The following PHACTR2 variants were observed in gnomAD, a reference collection of about 807,000 sequenced individuals.
PHACTR2 encodes the protein phosphatase and actin regulator 2.
In PHACTR2, 30 loss-of-function variants were observed where a neutral mutation model predicts 76.0. The observed-to-expected ratio is 0.39, with a 90% confidence interval of 0.30 to 0.54. The LOEUF (loss-of-function observed/expected upper bound fraction) is 0.54. PHACTR2 is among the 20% of genes least tolerant of loss of function. The probability of loss-of-function intolerance (pLI) is 0.61; values close to 1 mark genes in which losing one functional copy is unlikely to be tolerated. For missense variants in PHACTR2, 696 were observed against 781.1 expected (o/e 0.89, Z 1.30); for synonymous variants, 292 against 292.5 (o/e 1.00, Z 0.02).
rs187711582 is a variant in PHACTR2, at chr6:143,652,086, G to A, written c.13+43764G>A. Among the ~76,000 whole-genome samples, 270 of 149,316 alleles carry A rather than the reference G, an allele frequency of 1.8e-3. 2 individuals carry two copies. The highest frequency in any genetic ancestry group is 6.2e-3 in the African/African-American group (252 of 40,968). ...TTAAGCAAAAAAAAAAAAAAAGGCCGGTAAACACTGGTGATTCTGCTTTAT... is the reference window on the plus strand; with the variant it reads ...TTAAGCAAAAAAAAAAAAAAAGGCCAGTAAACACTGGTGATTCTGCTTTAT... On this transcript the variant is annotated intron_variant, in intron 1 of 11. Coordinates refer to the PHACTR2 transcript ENST00000305766. The surrounding 1 kb of genome is among the most constrained non-coding windows in gnomAD (Gnocchi z 4.5).
intron 1 of PHACTR2, among the ~76,000 whole-genome samples, chr6:143,630,684 T>C (rs1195167847): frequency 1.3e-5 from 2 of 152,198 alleles, no homozygotes; most frequent in Non-Finnish European, 2.9e-5. Flanking sequence ...TAATTGAAAC[T>C]GAACAGAGCA....
rs1421420310 is a variant in PHACTR2 at position 143,771,198 on chromosome 6, A to G, written c.1233-1060A>G. Among the ~76,000 whole-genome samples, 24 of 45,512 alleles carry G rather than the reference A, an allele frequency of 5.3e-4. 1 individual carries two copies. The highest frequency in any genetic ancestry group is 3.0e-3 in the East Asian group (2 of 674). 29.9% of individuals were successfully genotyped at this position (45,512 alleles called of 152,430 possible). A position where few individuals can be genotyped will look rare whatever the true frequency, so the allele number is the denominator to read the frequency against. On this transcript the variant is annotated intron_variant, in intron 6 of 12. Coordinates refer to ENST00000440869, the MANE Select transcript of PHACTR2 (RefSeq NM_001100164.2). ...TGTATATATATATATATGTGTGTAT[A>G]TATATATATATATATATATATATAT...
rs1022928545 is a variant in PHACTR2, at chr6:143,722,226, G to A, written c.214+10043G>A. Among the ~76,000 whole-genome samples the A allele has an allele frequency of 1.3e-5, 2 of 151,942 alleles. No individual in the cohort carries two copies. Among genetic ancestry groups the A allele is most frequent in the Middle Eastern group, 3.2e-3 (1 of 316 alleles). On this transcript the variant is annotated intron_variant, in intron 2 of 12. Transcript: ENST00000440869. This position sits in a 1 kb window ranked among gnomAD's most constrained non-coding sequence, Gnocchi z 4.1. ...ATTTTTTTATAACAATATATTTTCT[G>A]TTCTTTCTCTGTACCCTCATGTGGA...
Position 143,687,481 on chromosome 6 carries a change from GC to G in PHACTR2, c.46+9273del, listed in dbSNP as rs552699064. Among the ~76,000 whole-genome samples the G allele has an allele frequency of 1.6e-3, 246 of 152,270 alleles. 1 individual carries two copies. The highest frequency in any genetic ancestry group is 2.4e-3 in the Non-Finnish European group (161 of 68,020). On this transcript the variant is annotated intron_variant, in intron 1 of 12. Coordinates refer to ENST00000440869, the MANE Select transcript of PHACTR2 (RefSeq NM_001100164.2). Reference sequence around the variant, plus strand: ...AATATTTAGTGAAGACTCAACTGATGCAAAAGTGATATTAAGGATAGAAATA... The same window carrying G: ...AATATTTAGTGAAGACTCAACTGATGAAAAGTGATATTAAGGATAGAAATA...
chr6:143,771,497 C>T (rs955294789), intron 6 of PHACTR2, among the ~76,000 whole-genome samples: 7 of 151,476 alleles, frequency 4.6e-5, no homozygotes, highest in East Asian at 1.9e-4. Context: ...AGTGCAATGG[C>T]GCGATCTTGG....
chr6:143,802,639 C>T (rs1043540701), intron 11 of PHACTR2, among the ~76,000 whole-genome samples: 5 of 50,794 alleles, frequency 9.8e-5, no homozygotes, highest in Admixed American at 2.2e-4. Context: ...CAGAACAAGA[C>T]CCTGTCTCAA....
intron 6 of PHACTR2, among the ~76,000 whole-genome samples, chr6:143,768,116 G>T (rs770373239): frequency 3.0e-4 from 46 of 152,288 alleles, no homozygotes; most frequent in Non-Finnish European, 4.6e-4. Context: ...GACTACAGGC[G>T]TGAGCCACCA....
chr6:143,660,455 C>T (rs1202480418), intron 1 of PHACTR2, among the ~76,000 whole-genome samples: 1 of 152,114 alleles, frequency 6.6e-6, no homozygotes, highest in Non-Finnish European at 1.5e-5. Flanking sequence ...AGAGACTCCC[C>T]CATGATTCAA....
At chr6:143,629,499 T>C (rs953652997) in intron 1 of PHACTR2, among the ~76,000 whole-genome samples, 1 of 152,216 alleles carries the variant, frequency 6.6e-6, no homozygotes, top group Non-Finnish European at 1.5e-5. Context: ...TTTGGCATCC[T>C]AATGGTACCT....
rs1364937621 is a variant in PHACTR2, at chr6:143,592,124, G to A, written c.217+54917G>A. ...GAGCCAACTCTCTCAGTGCCACCAT[G>A]TTCCAGATCATTATGAAGGTGTATT... On this transcript the variant is annotated intron_variant, in intron 1 of 11. Coordinates refer to the PHACTR2 transcript ENST00000367584. The surrounding 1 kb of genome is among the most constrained non-coding windows in gnomAD (Gnocchi z 4.0). Among the ~76,000 whole-genome samples the A allele has an allele frequency of 6.6e-6, 1 of 152,202 alleles. No individual in the cohort carries two copies. Among genetic ancestry groups the A allele is most frequent in the East Asian group, 1.9e-4 (1 of 5,196 alleles).
At position 143,546,751 on chromosome 6, in the gene PHACTR2, C is replaced by T. The variant is rs943749944; in HGVS notation, c.217+9544C>T. ...GATAAAGAATGTGATTTAGCCTGGG[C>T]GCAGTGGCTTACACATGTAATCCCA... On this transcript the variant is annotated intron_variant, in intron 1 of 11. Transcript: ENST00000367584. The surrounding 1 kb of genome is among the most constrained non-coding windows in gnomAD (Gnocchi z 4.9). Among the ~76,000 whole-genome samples, 2 of 151,678 alleles carry T rather than the reference C, an allele frequency of 1.3e-5. No homozygotes were observed. The highest frequency in any genetic ancestry group is 4.8e-5 in the African/African-American group (2 of 41,256).
In PHACTR2 at chr6:143,824,569, C is replaced by T. The variant is rs1271758372; in HGVS notation, c.*880C>T. The T allele has an allele frequency of 2.0e-5, 3 of 152,598 alleles. No individual in the cohort carries two copies. Among genetic ancestry groups the T allele is most frequent in the Non-Finnish European group, 4.4e-5 (3 of 68,010 alleles). 9.5% of individuals were successfully genotyped at this position (152,598 alleles called of 1,614,324 possible). A position where few individuals can be genotyped will look rare whatever the true frequency, so the allele number is the denominator to read the frequency against. On this transcript the variant is annotated 3_prime_UTR_variant, in exon 13 of 13. Transcript: ENST00000440869. The surrounding 1 kb of genome is among the most constrained non-coding windows in gnomAD (Gnocchi z 6.3). Reference sequence around the variant, plus strand: ...TTCAGAAATAAATCTTTTGATCTTTCCCTATCTTGATTAGATCCAAAGTCA... The same window carrying T: ...TTCAGAAATAAATCTTTTGATCTTTTCCTATCTTGATTAGATCCAAAGTCA...
Position 143,598,132 on chromosome 6 carries a change from G to C in PHACTR2, c.217+60925G>C, listed in dbSNP as rs80192635. 1.5e-3 allele frequency among the ~76,000 whole-genome samples: 226 copies of C among 152,002 alleles called. 3 individuals are homozygous for C. In the East Asian group the frequency reaches 0.037, roughly 25 times the overall value. Reference sequence around the variant, plus strand: ...CCATATCTTAACCCCTTAAACCTGTGAATATGTTACTTTACATGGCAAAAG... The same window carrying C: ...CCATATCTTAACCCCTTAAACCTGTCAATATGTTACTTTACATGGCAAAAG... On this transcript the variant is annotated intron_variant, in intron 1 of 11. Coordinates refer to the PHACTR2 transcript ENST00000367584. The surrounding 1 kb of genome is among the most constrained non-coding windows in gnomAD (Gnocchi z 4.1).
At chr6:143,579,048 T>C (rs11963115) in intron 1 of PHACTR2, among the ~76,000 whole-genome samples, 42,786 of 151,562 alleles carry the variant, frequency 0.28, 5,991 homozygotes, top group Middle Eastern at 0.41. Flanking sequence ...GGACTACAGG[T>C]GCATGCCACC....
chr6:143,594,012 C>T (rs1006967085), intron 1 of PHACTR2, among the ~76,000 whole-genome samples: 1 of 152,126 alleles, frequency 6.6e-6, no homozygotes, highest in Non-Finnish European at 1.5e-5. Flanking sequence ...TGTTGCAGAT[C>T]GAGCATCCCT....
At position 143,816,795 on chromosome 6, in the gene PHACTR2, G is replaced by A. The variant is rs1582910314; in HGVS notation, c.1923-6879G>A. ...AGATTATCTCTTCTGGCTGGGTGCG[G>A]TGGCTCATGCCTGTAATCCCAGCAC... On this transcript the variant is annotated intron_variant, in intron 12 of 12. Transcript: ENST00000440869. The surrounding 1 kb of genome is among the most constrained non-coding windows in gnomAD (Gnocchi z 4.5). Among the ~76,000 whole-genome samples, 1 of 152,208 alleles carries A rather than the reference G, an allele frequency of 6.6e-6. No individual in the cohort carries two copies. Among genetic ancestry groups the A allele is most frequent in the African/African-American group, 2.4e-5 (1 of 41,442 alleles).
chr6:143,825,197 TCA>T lies in PHACTR2; in HGVS notation c.*1509_*1510del, dbSNP rs1343092468. On this transcript the variant is annotated 3_prime_UTR_variant, in exon 13 of 13. Coordinates refer to ENST00000440869, the MANE Select transcript of PHACTR2 (RefSeq NM_001100164.2). This position sits in a 1 kb window ranked among gnomAD's most constrained non-coding sequence, Gnocchi z 4.1. Reference sequence around the variant, plus strand: ...GACCCAAATAGAGTTTATTTTATTCTCAGAGTTTGGACTACAATTTTCTAAGA... The same window carrying T: ...GACCCAAATAGAGTTTATTTTATTCTGAGTTTGGACTACAATTTTCTAAGA... 5.9e-5 allele frequency: 9 copies of T among 152,508 alleles called. No homozygotes were observed. The East Asian group carries it at 1.7e-3, about 29-fold the overall frequency. 9.4% of individuals were successfully genotyped at this position (152,508 alleles called of 1,614,324 possible).
At chr6:143,716,482 T>C (rs1373219841) in intron 2 of PHACTR2, among the ~76,000 whole-genome samples, 1 of 152,120 alleles carries the variant, frequency 6.6e-6, no homozygotes, top group Non-Finnish European at 1.5e-5. Context: ...CACGCCACGA[T>C]GCCCAGTTAA....
At chr6:143,638,231 G>T (rs531042334) in intron 1 of PHACTR2, among the ~76,000 whole-genome samples, 9 of 152,070 alleles carry the variant, frequency 5.9e-5, no homozygotes, top group Non-Finnish European at 1.3e-4. Context: ...TTCAGTGATC[G>T]CTATGGCTTA....
Sources: allele counts gnomAD v4.1 joint callset (sites outside exome capture counted in the v4.1 genomes callset), GRCh38; gene constraint gnomAD v4.1.1; non-coding constraint Gnocchi (gnomAD v3.1); transcripts MANE v1.5; gene names NCBI Gene and HGNC (gene_info 2026-07-23, HGNC 2026-07-21).